The following TMCO5A variants were observed in gnomAD, a reference collection of about 807,000 sequenced individuals.
TMCO5A encodes the protein transmembrane and coiled-coil domain-containing protein 5A.
Under a neutral mutation model 42.3 loss-of-function variants are expected in TMCO5A, and 34 were observed. That is an observed-to-expected ratio of 0.80 (90% CI 0.61 to 1.07). The LOEUF (loss-of-function observed/expected upper bound fraction) is 1.07. Among genes scored for constraint, TMCO5A ranks in the 50% least tolerant of loss-of-function variants. The pLI, the probability that TMCO5A is intolerant of heterozygous loss-of-function variation, is 0.00. For missense variants in TMCO5A, 357 were observed against 327.9 expected, an observed-to-expected ratio of 1.09 and a Z score of -0.69; for synonymous variants, 131 against 115.6, an observed-to-expected ratio of 1.13 and a Z score of -0.86.
intron 6 of TMCO5A, among the ~76,000 whole-genome samples, chr15:37,940,497 C>T (rs113940358): frequency 1.3e-5 from 2 of 152,130 alleles, no homozygotes. Context: ...CCTTTGCCAA[C>T]CACCTACCAC....
At chr15:37,984,296 A>AT in the TMCO5A span, among the ~76,000 whole-genome samples, 24 of 151,772 alleles carry the variant, frequency 1.6e-4, no homozygotes, top group Admixed American at 5.3e-4. Flanking sequence ...TAATATAAGG[A>AT]TTTTTTTTTA....
chr15:37,941,545 A>C, intron 7 of TMCO5A, 126 bp from the exon 8 acceptor site: 1 of 776,884 alleles, frequency 1.3e-6, no homozygotes, highest in Non-Finnish European at 2.1e-6. Context: ...TACAGCAAAA[A>C]AGAAAACATA....
chr15:38,036,956 A>T, the TMCO5A span, among the ~76,000 whole-genome samples: 1 of 152,208 alleles, frequency 6.6e-6, no homozygotes, highest in African/African-American at 2.4e-5. Context: ...ACTAAGAACA[A>T]CTGGGGTATG....
At chr15:37,959,119 G>T (rs571555258) in intron 11 of TMCO5A, among the ~76,000 whole-genome samples, 2 of 152,008 alleles carry the variant, frequency 1.3e-5, no homozygotes, top group East Asian at 1.9e-4. Context: ...CCTGTCAGGG[G>T]GTGGGGGGTT....
At chr15:37,937,194 C>T in intron 4 of TMCO5A, 152 bp from the exon 5 acceptor site, 1 of 1,082,864 alleles carries the variant, frequency 9.2e-7, no homozygotes, top group East Asian at 2.5e-5. Context: ...CTGTATTTCA[C>T]CTGTGGTTTG....
At chr15:37,987,796 T>C in the TMCO5A span, among the ~76,000 whole-genome samples, 2 of 152,006 alleles carry the variant, frequency 1.3e-5, no homozygotes, top group Non-Finnish European at 2.9e-5. Flanking sequence ...AATCAGGAAG[T>C]ATAAGCCTCC....
chr15:38,020,076 TCAAACTCCTGGGATCAAGTGATCCTCC>T, the TMCO5A span: 1 of 152,150 alleles, frequency 6.6e-6, no homozygotes, highest in Admixed American at 6.6e-5. Flanking sequence ...CACTGCAGCC[TCAAACTCCTGGGATCAAGTGATCCTCC>T]CACCTCAGCC....
chr15:37,994,313 G>T, the TMCO5A span, among the ~76,000 whole-genome samples: 33 of 152,230 alleles, frequency 2.2e-4, no homozygotes, highest in Non-Finnish European at 4.3e-4. Flanking sequence ...GCAAGATCCG[G>T]CTAAGAGAGT....
chr15:37,959,522 G>A (rs181206604), intron 11 of TMCO5A, among the ~76,000 whole-genome samples: 146 of 152,028 alleles, frequency 9.6e-4, no homozygotes, highest in African/African-American at 3.5e-3. Context: ...GGGATGCAGG[G>A]ATAGTTCGAC....
the TMCO5A span, among the ~76,000 whole-genome samples, chr15:38,010,444 CACACACACACACAG>C: frequency 6.8e-6 from 1 of 147,532 alleles, no homozygotes; most frequent in East Asian, 2.0e-4. Flanking sequence ...CACACACACA[CACACACACACACAG>C]GAAGGGGCCA....
At chr15:37,948,193 A>C (rs1371652924) in intron 11 of TMCO5A, among the ~76,000 whole-genome samples, 1 of 152,110 alleles carries the variant, frequency 6.6e-6, no homozygotes, top group Non-Finnish European at 1.5e-5. Flanking sequence ...AAATTGAATA[A>C]AAATTTAAGA....
the TMCO5A span, among the ~76,000 whole-genome samples, chr15:38,001,363 A>G: frequency 1.3e-5 from 2 of 150,416 alleles, no homozygotes; most frequent in Non-Finnish European, 3.0e-5. Flanking sequence ...ATAATTGTCC[A>G]TCCCTTTATG....
the TMCO5A span, among the ~76,000 whole-genome samples, chr15:37,977,597 C>G: frequency 6.6e-6 from 1 of 152,194 alleles, no homozygotes; most frequent in African/African-American, 2.4e-5. Flanking sequence ...GTGTTTGCAG[C>G]CATGCTCCAT....
the TMCO5A span, among the ~76,000 whole-genome samples, chr15:38,033,562 T>A: frequency 6.6e-6 from 1 of 152,012 alleles, no homozygotes; most frequent in African/African-American, 2.4e-5. Flanking sequence ...TCCCTCCATT[T>A]TTTTTTTGTC....
the TMCO5A span, among the ~76,000 whole-genome samples, chr15:37,981,016 G>A: frequency 6.6e-6 from 1 of 152,004 alleles, no homozygotes; most frequent in Non-Finnish European, 1.5e-5. Flanking sequence ...TGAGAAAACA[G>A]TTCAAAAGTT....
intron 11 of TMCO5A, among the ~76,000 whole-genome samples, chr15:37,962,401 A>G (rs1046701688): frequency 2.0e-5 from 3 of 152,016 alleles, no homozygotes; most frequent in Admixed American, 6.6e-5. Context: ...CTTGATCATG[A>G]TGGATTATCT....
At chr15:38,037,152 TCAA>T in the TMCO5A span, among the ~76,000 whole-genome samples, 1 of 152,168 alleles carries the variant, frequency 6.6e-6, no homozygotes, top group Non-Finnish European at 1.5e-5. Context: ...GTTTAACACA[TCAA>T]CAACAAGTAA....
the TMCO5A span, among the ~76,000 whole-genome samples, chr15:37,994,940 G>A: frequency 9.2e-5 from 14 of 152,136 alleles, no homozygotes; most frequent in African/African-American, 3.1e-4. Context: ...GACTCCCCCA[G>A]ATTTCTACAA....
the TMCO5A span, among the ~76,000 whole-genome samples, chr15:38,007,730 T>C: frequency 2.0e-5 from 3 of 151,942 alleles, no homozygotes; most frequent in South Asian, 2.1e-4. Context: ...TAACTAGAGG[T>C]CAGTTCTGCT....
Sources: gnomAD v4.1 joint callset for allele counts (sites outside exome capture counted in the v4.1 genomes callset) on GRCh38, gnomAD v4.1.1 for gene constraint, MANE v1.5 for transcripts, NCBI Gene and HGNC (gene_info 2026-07-23, HGNC 2026-07-21) for gene names.